Variants in PLEKHA8 observed in about 807,000 individuals in gnomAD.
PLEKHA8 encodes the protein pleckstrin homology domain-containing family A member 8.
PLEKHA8 carries 36 observed loss-of-function variants against 68.2 expected under a neutral mutation model. The ratio of observed to expected loss-of-function variants is 0.53; its 90% CI spans 0.40 to 0.70. PLEKHA8 has a LOEUF of 0.70. PLEKHA8 is among the 30% of genes least tolerant of loss of function. PLEKHA8 has a pLI of 0.00. For missense variants in PLEKHA8, 505 were observed against 615.4 expected (o/e 0.82, Z 1.90); for synonymous variants, 211 against 216.1 (o/e 0.98, Z 0.20).
chr7:30,089,741 G>C (rs147674363), intron 12 of PLEKHA8, among the ~76,000 whole-genome samples: 5,302 of 152,236 alleles, frequency 0.035, 183 homozygotes, highest in Non-Finnish European at 0.047. Flanking sequence ...AGTTCCCACA[G>C]GTGTGTTGTG....
At chr7:30,089,154 CCTT>C (rs1358725677), downstream of PLEKHA8, among the ~76,000 whole-genome samples, 1 of 152,178 alleles carries the variant, frequency 6.6e-6, no homozygotes, top group African/African-American at 2.4e-5. Context: ...ATACACAGCT[CCTT>C]CCTCCTCCAT....
In PLEKHA8 at chr7:30,045,220, T is replaced by C; in HGVS notation, c.157+19T>C. On this transcript the variant is annotated intron_variant, in intron 2 of 13. Transcript: ENST00000449726. ...ATTCAAGGTGAGAAATCAAGCAACT[T>C]GCAAGTTTTATTTTTCTTTCTGTTT... 1 of 1,549,906 alleles carries C rather than the reference T, an allele frequency of 6.5e-7. No homozygotes were observed.
intron 12 of PLEKHA8, among the ~76,000 whole-genome samples, chr7:30,066,679 A>G (rs188902998): frequency 6.6e-6 from 1 of 152,316 alleles, no homozygotes; most frequent in Non-Finnish European, 1.5e-5. Context: ...GAAGGAAGAA[A>G]AGTTGCTCTG....
At chr7:30,029,510 A>G (rs181144599) in intron 1 of PLEKHA8, among the ~76,000 whole-genome samples, 13 of 152,300 alleles carry the variant, frequency 8.5e-5, no homozygotes, top group African/African-American at 2.9e-4. Context: ...TAAAAGCTTC[A>G]TATCTTGAGA....
At chr7:30,119,134 C>G (rs1796654321) in intron 13 of PLEKHA8, among the ~76,000 whole-genome samples, 1 of 152,200 alleles carries the variant, frequency 6.6e-6, no homozygotes, top group African/African-American at 2.4e-5. Context: ...GAGGGCACCC[C>G]AAAAGATGAT....
rs572787639 is a variant in PLEKHA8 at position 30,048,540 on chromosome 7, CATT to C, written c.438+588_438+590del. Among the ~76,000 whole-genome samples, 502 of 152,288 alleles carry C rather than the reference CATT, an allele frequency of 3.3e-3. 3 individuals are homozygous for C. The highest frequency in any genetic ancestry group is 0.011 in the African/African-American group (473 of 41,564). On this transcript the variant is annotated intron_variant, in intron 4 of 13. Coordinates refer to ENST00000449726, the MANE Select transcript of PLEKHA8 (RefSeq NM_001197026.2). ...GATTTTTAGCATTTATTAATACAGT[CATT>C]ATTCATTTATTTTAAAACATATATT...
intron 10 of PLEKHA8, among the ~76,000 whole-genome samples, chr7:30,061,616 G>A (rs994669494): frequency 6.6e-6 from 1 of 152,178 alleles, no homozygotes; most frequent in African/African-American, 2.4e-5. Flanking sequence ...TATATTCAGA[G>A]TGAAAAGTAT....
At chr7:30,068,256 G>C (rs1188325709) in intron 12 of PLEKHA8, among the ~76,000 whole-genome samples, 1 of 152,222 alleles carries the variant, frequency 6.6e-6, no homozygotes, top group Non-Finnish European at 1.5e-5. Flanking sequence ...ACTGGGAATT[G>C]CTGCTGTAGT....
At chr7:30,108,279 T>G (rs1161866389) in intron 13 of PLEKHA8, among the ~76,000 whole-genome samples, 1 of 152,114 alleles carries the variant, frequency 6.6e-6, no homozygotes, top group East Asian at 1.9e-4. Context: ...TTTTTGCATC[T>G]ATATTTAGAA....
chr7:30,083,966 G>A lies in PLEKHA8; in HGVS notation c.*5179G>A. On this transcript the variant is annotated 3_prime_UTR_variant, in exon 14 of 14. Coordinates refer to ENST00000449726, the MANE Select transcript of PLEKHA8 (RefSeq NM_001197026.2). ...GGAAGGATGCTCTAGAAGTACTTCT[G>A]TTGTTTCCTAGAAGGCTATGAGCCA... The A allele has an allele frequency of 1.0e-6, 1 of 985,390 alleles. No individual in the cohort carries two copies. Among genetic ancestry groups the A allele is most frequent in the Non-Finnish European group, 1.2e-6 (1 of 829,890 alleles). The allele number at this position is 985,390 out of a possible 1,614,324, so 61.0% of individuals were successfully genotyped here. A position where few individuals can be genotyped will look rare whatever the true frequency, so the allele number is the denominator to read the frequency against.
At chr7:30,098,053 C>T (rs1410565105) in intron 13 of PLEKHA8, among the ~76,000 whole-genome samples, 1 of 152,154 alleles carries the variant, frequency 6.6e-6, no homozygotes, top group Non-Finnish European at 1.5e-5. Context: ...CAGTCAGGAC[C>T]CTCAGCTGCA....
chr7:30,115,796 ACATGTATACACGCATG>A lies in PLEKHA8; in HGVS notation c.1363-13459_1363-13444del, dbSNP rs1403845750. ...TATGCATGCATACATACGTGCACATACATGTATACACGCATGCATGTATACATGCGTGCACATACAT... is the reference window on the plus strand; with the variant it reads ...TATGCATGCATACATACGTGCACATACATGTATACATGCGTGCACATACAT... On this transcript the variant is annotated intron_variant, in intron 13 of 13. Transcript: ENST00000396257. The A allele has an allele frequency of 1.4e-5, 2 of 144,040 alleles. 1 individual carries two copies. Among genetic ancestry groups the A allele is most frequent in the Non-Finnish European group, 3.0e-5 (2 of 67,222 alleles). The allele number at this position is 144,040 out of a possible 1,614,324, so 8.9% of individuals were successfully genotyped here.
chr7:30,121,146 T>C (rs1008736974), intron 13 of PLEKHA8, among the ~76,000 whole-genome samples: 2 of 152,044 alleles, frequency 1.3e-5, no homozygotes, highest in African/African-American at 4.8e-5. Flanking sequence ...CGTGAAAAAA[T>C]AGGTATCTTT....
intron 1 of PLEKHA8, among the ~76,000 whole-genome samples, chr7:30,037,778 T>C (rs946936962): frequency 1.8e-4 from 28 of 152,072 alleles, no homozygotes; most frequent in Middle Eastern, 3.4e-3. Flanking sequence ...ACAACAGTAG[T>C]TCTTATGGAT....
chr7:30,044,974 A>G (rs1290310769), intron 1 of PLEKHA8, 111 bp from the exon 2 acceptor site: 2 of 603,592 alleles, frequency 3.3e-6, no homozygotes, highest in Non-Finnish European at 5.6e-6. Context: ...CTGGCAATGT[A>G]AAGCTCCTTG....
At chr7:30,106,509 A>G (rs564408934) in intron 13 of PLEKHA8, among the ~76,000 whole-genome samples, 12 of 152,324 alleles carry the variant, frequency 7.9e-5, no homozygotes, top group African/African-American at 2.6e-4. Context: ...ACCATCATAT[A>G]TAAATGATTT....
intron 12 of PLEKHA8, among the ~76,000 whole-genome samples, chr7:30,065,212 C>A (rs1793747805): frequency 6.6e-6 from 1 of 152,178 alleles, no homozygotes; most frequent in African/African-American, 2.4e-5. Context: ...TCCCTCTCTT[C>A]TCCTTCGGCA....
intron 9 of PLEKHA8, among the ~76,000 whole-genome samples, chr7:30,056,312 C>CTCTCTCTCTA (rs796845171): frequency 0.026 from 2,443 of 94,430 alleles, 115 homozygotes; most frequent in Non-Finnish European, 0.031. Flanking sequence ...CTCTCTCTCT[C>CTCTCTCTCTA]TATATATATA....
Position 30,080,801 on chromosome 7 carries a change from G to A in PLEKHA8, c.*2014G>A, listed in dbSNP as rs747998325. On this transcript the variant is annotated 3_prime_UTR_variant, in exon 14 of 14. Coordinates refer to ENST00000449726, the MANE Select transcript of PLEKHA8 (RefSeq NM_001197026.2). ...TAGTATGAATATGATGGCAGGACTC[G>A]GGGATAGTCCCTGCCCTTGACATAG... 2.6e-4 allele frequency: 253 copies of A among 985,114 alleles called. 1 individual carries two copies. Among genetic ancestry groups the A allele is most frequent in the Non-Finnish European group, 2.9e-4 (243 of 829,882 alleles). 61.0% of individuals were successfully genotyped at this position (985,114 alleles called of 1,614,324 possible). A position where few individuals can be genotyped will look rare whatever the true frequency, so the allele number is the denominator to read the frequency against.
Sources: gnomAD v4.1 joint callset for allele counts (sites outside exome capture counted in the v4.1 genomes callset) on GRCh38, gnomAD v4.1.1 for gene constraint, MANE v1.5 for transcripts, NCBI Gene and HGNC (gene_info 2026-07-23, HGNC 2026-07-21) for gene names.